The following EPB41L3 variants were observed in gnomAD, a reference collection of about 807,000 sequenced individuals.
EPB41L3 encodes band 4.1-like protein 3.
A neutral mutation model predicts 127.1 loss-of-function variants in EPB41L3; 57 were observed. The ratio of observed to expected loss-of-function variants is 0.45; its 90% CI spans 0.36 to 0.56. The LOEUF is 0.56. Among genes scored for constraint, EPB41L3 ranks in the 20% least tolerant of loss-of-function variants. The pLI is 0.00. For missense variants in EPB41L3, 1,273 were observed against 1,372.2 expected (o/e 0.93, Z 1.14); for synonymous variants, 572 against 549.5 (o/e 1.04, Z -0.57).
At chr18:5,555,777 C>T (rs773618119) in intron 3 of EPB41L3, among the ~76,000 whole-genome samples, 34 of 152,130 alleles carry the variant, frequency 2.2e-4, no homozygotes, top group Non-Finnish European at 4.1e-4. Context: ...ATGCTCTCAC[C>T]CCTGCCTAGA....
At chr18:5,471,151 C>T (rs975219152) in intron 3 of EPB41L3, among the ~76,000 whole-genome samples, 1 of 152,126 alleles carries the variant, frequency 6.6e-6, no homozygotes, top group Admixed American at 6.5e-5. Context: ...ATGATGTAGC[C>T]GGTGTGCTTT....
In EPB41L3 at chr18:5,394,666, T is replaced by A; in HGVS notation, c.*6+11A>T. ...CCTAGGCAAGCCTAGAGAATCGGCA[T>A]CACCTCTTACCTCTGGTCAATCCTC... On this transcript the variant is annotated intron_variant, in intron 22 of 22. Coordinates refer to ENST00000341928, the MANE Select transcript of EPB41L3 (RefSeq NM_012307.5). The A allele has an allele frequency of 6.2e-7, 1 of 1,607,566 alleles. No homozygotes were observed.
At chr18:5,606,559 C>T (rs1245659810) in intron 3 of EPB41L3, among the ~76,000 whole-genome samples, 3 of 152,096 alleles carry the variant, frequency 2.0e-5, no homozygotes, top group African/African-American at 7.2e-5. Flanking sequence ...TCTTCTTGCA[C>T]ATTTTAATTT....
At chr18:5,529,875 C>T (rs975525895) in intron 1 of EPB41L3, among the ~76,000 whole-genome samples, 26 of 151,962 alleles carry the variant, frequency 1.7e-4, no homozygotes, top group African/African-American at 6.1e-4. Flanking sequence ...CCCACAGGAA[C>T]TTCAGGACAA....
intron 3 of EPB41L3, among the ~76,000 whole-genome samples, chr18:5,583,274 G>A (rs1257772146): frequency 6.6e-6 from 1 of 152,144 alleles, no homozygotes; most frequent in African/African-American, 2.4e-5. Context: ...TCGTGAAATA[G>A]GCATTCTGCT....
chr18:5,624,630 A>T (rs2094901784), intron 1 of EPB41L3, among the ~76,000 whole-genome samples: 1 of 152,278 alleles, frequency 6.6e-6, no homozygotes, highest in Middle Eastern at 3.4e-3. Context: ...CTGACTTGAC[A>T]TGGGATTGGA....
At chr18:5,465,467 T>G (rs190478261) in intron 3 of EPB41L3, among the ~76,000 whole-genome samples, 138 of 152,350 alleles carry the variant, frequency 9.1e-4, no homozygotes, top group Non-Finnish European at 1.2e-3. Context: ...CTAAATAGTA[T>G]GAAGGTTCTG....
At chr18:5,524,083 T>C (rs2093121269) in intron 1 of EPB41L3, among the ~76,000 whole-genome samples, 8 of 152,162 alleles carry the variant, frequency 5.3e-5, no homozygotes, top group Admixed American at 4.6e-4. Context: ...TGGGTACTAT[T>C]ATTATTCCCA....
intron 3 of EPB41L3, among the ~76,000 whole-genome samples, chr18:5,576,725 T>C (rs1279976456): frequency 6.6e-6 from 1 of 152,226 alleles, no homozygotes; most frequent in African/African-American, 2.4e-5. Flanking sequence ...AACATCCATG[T>C]TTCAATGAAG....
intron 22 of EPB41L3, 169 bp downstream of exon 22, chr18:5,394,508 C>G (rs944733516): frequency 3.5e-6 from 2 of 572,300 alleles, no homozygotes; most frequent in African/African-American, 1.9e-5. Context: ...AATGGAAGCT[C>G]CAAATGTGAG....
upstream of EPB41L3, among the ~76,000 whole-genome samples, chr18:5,548,979 A>G (rs1259916286): frequency 6.6e-6 from 1 of 152,224 alleles, no homozygotes; most frequent in African/African-American, 2.4e-5. Flanking sequence ...TCCCCTGTAA[A>G]GCTGTAAGTA....
At chr18:5,520,439 C>T (rs936995700) in intron 1 of EPB41L3, among the ~76,000 whole-genome samples, 32 of 151,878 alleles carry the variant, frequency 2.1e-4, no homozygotes, top group African/African-American at 6.3e-4. Context: ...CAGAGTAACA[C>T]TCTTAGTAAC....
At chr18:5,402,968 G>A (rs941197595) in intron 16 of EPB41L3, among the ~76,000 whole-genome samples, 1 of 152,134 alleles carries the variant, frequency 6.6e-6, no homozygotes, top group African/African-American at 2.4e-5. Flanking sequence ...CAGTGAACAC[G>A]CCTGTAAAAC....
At chr18:5,571,942 T>C (rs1260737762) in intron 3 of EPB41L3, among the ~76,000 whole-genome samples, 2 of 152,234 alleles carry the variant, frequency 1.3e-5, no homozygotes, top group Non-Finnish European at 2.9e-5. Context: ...TTCCTCACAA[T>C]TTCCTGCATT....
At chr18:5,595,910 G>A (rs1195613910) in intron 3 of EPB41L3, among the ~76,000 whole-genome samples, 4 of 152,036 alleles carry the variant, frequency 2.6e-5, no homozygotes, top group Admixed American at 6.5e-5. Flanking sequence ...CCAGTAGGTG[G>A]CTCCCATCTT....
At chr18:5,460,389 C>A (rs1030553801) in intron 3 of EPB41L3, among the ~76,000 whole-genome samples, 1 of 152,146 alleles carries the variant, frequency 6.6e-6, no homozygotes, top group Non-Finnish European at 1.5e-5. Context: ...TCCATTTTGG[C>A]CCCATGTCCA....
intron 3 of EPB41L3, among the ~76,000 whole-genome samples, chr18:5,473,385 GAAACAAACC>G (rs2147702440): frequency 6.6e-6 from 1 of 152,026 alleles, no homozygotes; most frequent in South Asian, 2.1e-4. Flanking sequence ...GCTTTTTGGG[GAAACAAACC>G]AAACTGCACC....
intron 1 of EPB41L3, among the ~76,000 whole-genome samples, chr18:5,498,748 G>A (rs972143716): frequency 6.6e-6 from 1 of 151,998 alleles, no homozygotes; most frequent in Non-Finnish European, 1.5e-5. Flanking sequence ...AAGAGCAAAA[G>A]TATTCAGCCC....
At chr18:5,452,935 A>G (rs1024591099) in intron 3 of EPB41L3, among the ~76,000 whole-genome samples, 1 of 152,176 alleles carries the variant, frequency 6.6e-6, no homozygotes, top group Non-Finnish European at 1.5e-5. Flanking sequence ...CTAATAGAGC[A>G]GGAGCATTCA....
Sources: gnomAD v4.1 joint callset for allele counts (sites outside exome capture counted in the v4.1 genomes callset) on GRCh38, gnomAD v4.1.1 for gene constraint, MANE v1.5 for transcripts, NCBI Gene and HGNC (gene_info 2026-07-23, HGNC 2026-07-21) for gene names.